The following AGBL1 variants were observed in gnomAD, a reference collection of about 807,000 sequenced individuals.
AGBL1 encodes cytosolic carboxypeptidase 4.
Under a neutral mutation model 118.9 loss-of-function variants are expected in AGBL1, and 130 were observed. That is an observed-to-expected ratio of 1.09 (90% CI 0.95 to 1.26). The LOEUF is 1.26. Among genes scored for constraint, AGBL1 ranks in the 50% most tolerant of loss-of-function variants. The pLI is 0.00. For synonymous variants in AGBL1, 555 were observed against 478.9 expected (o/e 1.16, Z -2.08); for missense variants, 1,584 against 1,298.1 (o/e 1.22, Z -3.38).
intron 19 of AGBL1, among the ~76,000 whole-genome samples, chr15:86,541,717 C>T (rs2083499684): frequency 6.6e-6 from 1 of 151,454 alleles, no homozygotes; most frequent in South Asian, 2.1e-4. Flanking sequence ...ACTGAGGAGA[C>T]TAGCTTTCCC....
intron 21 of AGBL1, among the ~76,000 whole-genome samples, chr15:86,655,742 G>C (rs2085453135): frequency 6.6e-6 from 1 of 152,194 alleles, no homozygotes; most frequent in Admixed American, 6.6e-5. Context: ...AACTTGCAGT[G>C]GTCAGGAAAC....
At chr15:86,780,217 A>G (rs907155082) in intron 22 of AGBL1, among the ~76,000 whole-genome samples, 41 of 152,242 alleles carry the variant, frequency 2.7e-4, no homozygotes, top group African/African-American at 8.9e-4. Context: ...GCACAATACC[A>G]TTTATTAAAA....
intron 17 of AGBL1, among the ~76,000 whole-genome samples, chr15:86,335,862 C>G (rs530205538): frequency 6.6e-6 from 1 of 152,170 alleles, no homozygotes; most frequent in Non-Finnish European, 1.5e-5. Flanking sequence ...TTGTCACTTA[C>G]TACCTGTGAG....
chr15:86,396,225 A>G (rs866771197), intron 17 of AGBL1, among the ~76,000 whole-genome samples: 52 of 128,184 alleles, frequency 4.1e-4, no homozygotes, highest in Middle Eastern at 4.0e-3. Flanking sequence ...GTGTATATAT[A>G]TGTGTGTGTG....
chr15:86,504,624 T>A (rs946147805), intron 18 of AGBL1, among the ~76,000 whole-genome samples: 7 of 151,624 alleles, frequency 4.6e-5, no homozygotes, highest in Admixed American at 1.3e-4. Flanking sequence ...TATATAACAA[T>A]CTAGTCAGAT....
At chr15:86,280,768 C>G (rs1024980686) in intron 16 of AGBL1, among the ~76,000 whole-genome samples, 6 of 152,122 alleles carry the variant, frequency 3.9e-5, no homozygotes, top group Admixed American at 2.6e-4. Flanking sequence ...GTGAATTTTT[C>G]GCATAGAGAA....
At chr15:86,160,178 A>G (rs552884453) in intron 5 of AGBL1, among the ~76,000 whole-genome samples, 3 of 149,510 alleles carry the variant, frequency 2.0e-5, no homozygotes, top group African/African-American at 4.9e-5. Flanking sequence ...CATTTTGGAA[A>G]CATCTTCTCC....
intron 18 of AGBL1, among the ~76,000 whole-genome samples, chr15:86,461,437 T>C (rs1382114869): frequency 6.6e-6 from 1 of 152,178 alleles, no homozygotes; most frequent in Non-Finnish European, 1.5e-5. Context: ...GGACCGCATC[T>C]GAGAAGAACG....
At chr15:86,176,920 G>A (rs1252086670) in intron 5 of AGBL1, among the ~76,000 whole-genome samples, 1 of 152,132 alleles carries the variant, frequency 6.6e-6, no homozygotes, top group Non-Finnish European at 1.5e-5. Flanking sequence ...GCATTATGGA[G>A]TTTCTTCTGA....
chr15:86,208,926 C>T (rs913566105), intron 5 of AGBL1, among the ~76,000 whole-genome samples: 5 of 152,160 alleles, frequency 3.3e-5, no homozygotes, highest in Non-Finnish European at 7.3e-5. Flanking sequence ...GATTTTAGAT[C>T]TTTCCTGCTT....
At chr15:86,794,341 C>G (rs560005893) in intron 22 of AGBL1, among the ~76,000 whole-genome samples, 1 of 152,122 alleles carries the variant, frequency 6.6e-6, no homozygotes, top group East Asian at 1.9e-4. Context: ...GTGAAAGAAG[C>G]CAATCACAGA....
chr15:86,726,851 A>G (rs557187144), intron 22 of AGBL1, among the ~76,000 whole-genome samples: 1 of 152,248 alleles, frequency 6.6e-6, no homozygotes, highest in Non-Finnish European at 1.5e-5. Flanking sequence ...CACTGCACCC[A>G]GCCAGTACTA....
At chr15:86,751,197 C>G (rs1185316283) in intron 22 of AGBL1, among the ~76,000 whole-genome samples, 2 of 152,014 alleles carry the variant, frequency 1.3e-5, no homozygotes, top group Non-Finnish European at 2.9e-5. Flanking sequence ...GAGGAATCAC[C>G]ACACTGTCTT....
chr15:86,612,759 C>T (rs745745462), intron 21 of AGBL1, among the ~76,000 whole-genome samples: 7 of 152,152 alleles, frequency 4.6e-5, no homozygotes, highest in Non-Finnish European at 8.8e-5. Context: ...GTGTCTGACA[C>T]CTTTTAAGTT....
At chr15:86,342,234 A>C (rs1315726663) in intron 17 of AGBL1, among the ~76,000 whole-genome samples, 1 of 152,166 alleles carries the variant, frequency 6.6e-6, no homozygotes, top group Admixed American at 6.5e-5. Flanking sequence ...CATTTGGGAG[A>C]TAGCCAAATT....
In AGBL1 at chr15:86,264,316, A is replaced by G; in HGVS notation, c.1145A>G (p.His382Arg). Residue 382 changes from histidine (H) to arginine (R), a missense_variant, in exon 11 of 23, where the codon CAC becomes CGC. His to Arg is a conservative substitution (Grantham distance 29). Coordinates refer to ENST00000614907, the MANE Select transcript of AGBL1 (RefSeq NM_001386094.1). The part of the protein sequence containing the change: ...LNSEKTQYAN[H>R]HHIPAAASSK... ...TCTGAAAAGACTCAGTATGCCAATC[A>G]CCACCACATTCCAGCCGCTGCCTCC... 4.3e-6 allele frequency: 7 copies of G among 1,611,184 alleles called. No individual in the cohort carries two copies. Among genetic ancestry groups the G allele is most frequent in the Non-Finnish European group, 5.9e-6 (7 of 1,178,658 alleles).
intron 22 of AGBL1, among the ~76,000 whole-genome samples, chr15:86,788,778 G>A (rs976652311): frequency 5.3e-5 from 8 of 152,166 alleles, no homozygotes; most frequent in African/African-American, 1.7e-4. Flanking sequence ...ATGGTCGAAG[G>A]CCTCTCTAAG....
chr15:86,286,372 T>G (rs1480607004), intron 16 of AGBL1, among the ~76,000 whole-genome samples: 4 of 152,056 alleles, frequency 2.6e-5, no homozygotes, highest in African/African-American at 9.7e-5. Flanking sequence ...TTATAAGCTA[T>G]GATTACTATA....
At chr15:86,791,251 C>A (rs575920127) in intron 22 of AGBL1, among the ~76,000 whole-genome samples, 1 of 152,298 alleles carries the variant, frequency 6.6e-6, no homozygotes, top group East Asian at 1.9e-4. Context: ...TTAGGCTAAA[C>A]TTTCTGAGTA....
Sources: gnomAD v4.1 joint callset for allele counts (sites outside exome capture counted in the v4.1 genomes callset) on GRCh38, gnomAD v4.1.1 for gene constraint, MANE v1.5 for transcripts, NCBI Gene and HGNC (gene_info 2026-07-23, HGNC 2026-07-21) for gene names.